The following NRXN3 variants were observed in gnomAD, a reference collection of about 807,000 sequenced individuals.
NRXN3 encodes the protein neurexin 3, also known as neurexin III.
In NRXN3, 32 loss-of-function variants were observed where a neutral mutation model predicts 137.6. The ratio of observed to expected loss-of-function variants is 0.23; its 90% confidence interval spans 0.18 to 0.31. NRXN3 has a LOEUF of 0.31. Ranked by LOEUF, NRXN3 falls within the 10% of genes least tolerant of loss-of-function variation. NRXN3 has a pLI of 1.00. For synonymous variants in NRXN3, 798 were observed against 784.5 expected (o/e 1.02, Z -0.29); for missense variants, 1,574 against 2,062.5 (o/e 0.76, Z 4.59).
At chr14:79,287,721 TA>T (rs1179678899) in intron 15 of NRXN3, among the ~76,000 whole-genome samples, 1 of 152,178 alleles carries the variant, frequency 6.6e-6, no homozygotes, top group African/African-American at 2.4e-5. Flanking sequence ...TCCTGATACA[TA>T]GATTTTGCCC....
At chr14:78,382,337 A>G (rs1484075301) in intron 4 of NRXN3, among the ~76,000 whole-genome samples, 2 of 152,138 alleles carry the variant, frequency 1.3e-5, no homozygotes, top group African/African-American at 4.8e-5. Flanking sequence ...GGATAGAGAT[A>G]CTCTATAATA....
intron 19 of NRXN3, among the ~76,000 whole-genome samples, chr14:79,772,777 G>C (rs55729540): frequency 0.079 from 12,037 of 152,096 alleles, 553 homozygotes; most frequent in South Asian, 0.16. Flanking sequence ...ATTGACAAAT[G>C]GGATCTAATT....
chr14:79,021,141 A>G (rs2099589027), intron 15 of NRXN3, among the ~76,000 whole-genome samples: 1 of 145,720 alleles, frequency 6.9e-6, no homozygotes, highest in South Asian at 2.1e-4. Flanking sequence ...CTTGATACCT[A>G]TGTTATCATA....
intron 15 of NRXN3, among the ~76,000 whole-genome samples, chr14:79,069,731 C>T (rs905268986): frequency 6.6e-6 from 1 of 152,076 alleles, no homozygotes; most frequent in African/African-American, 2.4e-5. Context: ...TTGTGACACA[C>T]TGTGATCATT....
chr14:79,122,678 C>T (rs2055660268), intron 15 of NRXN3, among the ~76,000 whole-genome samples: 1 of 152,166 alleles, frequency 6.6e-6, no homozygotes, highest in Non-Finnish European at 1.5e-5. Flanking sequence ...CACAGCCCTG[C>T]CAATTATTAG....
chr14:78,539,235 A>T (rs899029638), intron 4 of NRXN3, among the ~76,000 whole-genome samples: 13 of 152,128 alleles, frequency 8.5e-5, no homozygotes, highest in Non-Finnish European at 1.8e-4. Flanking sequence ...CAGTGAATCC[A>T]TCTGGTCCTG....
chr14:79,085,796 A>G (rs998433543), intron 15 of NRXN3, among the ~76,000 whole-genome samples: 2 of 152,214 alleles, frequency 1.3e-5, no homozygotes, highest in African/African-American at 4.8e-5. Flanking sequence ...TCCAGAAAAG[A>G]TTCATATTGG....
At chr14:78,841,391 G>A (rs1483730481) in intron 10 of NRXN3, among the ~76,000 whole-genome samples, 1 of 151,920 alleles carries the variant, frequency 6.6e-6, no homozygotes, top group African/African-American at 2.4e-5. Context: ...GGTTCCTGGA[G>A]CTCCTTAAGA....
At chr14:78,579,710 T>C (rs1394919961) in intron 4 of NRXN3, among the ~76,000 whole-genome samples, 1 of 151,912 alleles carries the variant, frequency 6.6e-6, no homozygotes, top group Non-Finnish European at 1.5e-5. Context: ...TAGAAGAGAG[T>C]GCTACTAAGG....
intron 4 of NRXN3, among the ~76,000 whole-genome samples, chr14:78,418,773 G>T (rs1003447764): frequency 4.6e-5 from 7 of 152,180 alleles, no homozygotes; most frequent in African/African-American, 1.7e-4. Flanking sequence ...TGTTCAACAT[G>T]CCAGGCACCA....
intron 10 of NRXN3, among the ~76,000 whole-genome samples, chr14:78,950,735 A>G (rs933720657): frequency 2.6e-5 from 4 of 152,150 alleles, no homozygotes; most frequent in East Asian, 1.9e-4. Context: ...TCATCAATAG[A>G]TAGTTGTGGC....
intron 15 of NRXN3, among the ~76,000 whole-genome samples, chr14:79,292,784 C>A (rs537186418): frequency 4.2e-4 from 64 of 152,244 alleles, no homozygotes; most frequent in African/African-American, 1.5e-3. Flanking sequence ...CCAAAATAAA[C>A]GATGTAACAG....
intron 15 of NRXN3, among the ~76,000 whole-genome samples, chr14:79,363,004 ATT>A (rs11368184): frequency 0.023 from 3,301 of 143,028 alleles, 86 homozygotes; most frequent in African/African-American, 0.065. Context: ...TAGAATTGGA[ATT>A]TTTTTTTTTT....
At chr14:78,269,855 C>T (rs2153485732) in intron 2 of NRXN3, among the ~76,000 whole-genome samples, 1 of 152,236 alleles carries the variant, frequency 6.6e-6, no homozygotes, top group East Asian at 1.9e-4. Context: ...TCTGGGAAGT[C>T]GGAGTCTTTC....
At chr14:78,705,185 G>C (rs776961747) in intron 6 of NRXN3, among the ~76,000 whole-genome samples, 1 of 152,212 alleles carries the variant, frequency 6.6e-6, no homozygotes, top group Non-Finnish European at 1.5e-5. Context: ...GAGGCGACTT[G>C]TCAGCCAAGG....
At chr14:78,615,015 A>G (rs1460840477) in intron 4 of NRXN3, 1 of 456,464 alleles carries the variant, frequency 2.2e-6, no homozygotes, top group East Asian at 7.0e-5. Flanking sequence ...ACCCACTTCC[A>G]CCGGGATCTT....
chr14:78,430,119 T>C (rs1329409019), intron 4 of NRXN3, among the ~76,000 whole-genome samples: 1 of 152,108 alleles, frequency 6.6e-6, no homozygotes, highest in African/African-American at 2.4e-5. Context: ...ACGTCTACAG[T>C]CCCAGCCACT....
chr14:78,759,965 G>A (rs966039867), intron 8 of NRXN3, among the ~76,000 whole-genome samples: 37 of 150,770 alleles, frequency 2.5e-4, no homozygotes, highest in African/African-American at 8.5e-4. Flanking sequence ...CAGAAGCACA[G>A]AGAGTTAAGT....
chr14:79,211,564 A>G (rs1169972913), intron 15 of NRXN3, among the ~76,000 whole-genome samples: 1 of 152,146 alleles, frequency 6.6e-6, no homozygotes, highest in Non-Finnish European at 1.5e-5. Context: ...CTAAAAACTG[A>G]GTTCTTTCTC....
Sources: gnomAD v4.1 joint callset for allele counts (sites outside exome capture counted in the v4.1 genomes callset) on GRCh38, gnomAD v4.1.1 for gene constraint, MANE v1.5 for transcripts, NCBI Gene and HGNC (gene_info 2026-07-23, HGNC 2026-07-21) for gene names.